Variants in ANK3 observed in about 807,000 individuals in gnomAD.
ANK3 encodes ankyrin 3, also known as ankyrin-3.
Under a neutral mutation model 370.9 loss-of-function variants are expected in ANK3, and 57 were observed. That is an observed-to-expected ratio of 0.15 (90% CI 0.12 to 0.19). The LOEUF (loss-of-function observed/expected upper bound fraction) is 0.19, where lower values mean the gene tolerates loss of function less well. Among genes scored for constraint, ANK3 ranks in the 10% least tolerant of loss-of-function variants. ANK3 has a pLI of 1.00. For missense variants in ANK3, 4,439 were observed against 5,302.1 expected, an observed-to-expected ratio of 0.84 and a Z score of 5.06; for synonymous variants, 1,929 against 1,946.3, an observed-to-expected ratio of 0.99 and a Z score of 0.23.
chr10:60,585,143 A>T (rs2077813533), intron 2 of ANK3, among the ~76,000 whole-genome samples: 1 of 152,200 alleles, frequency 6.6e-6, no homozygotes, highest in African/African-American at 2.4e-5. Context: ...TGCCTAACAA[A>T]TATCTAAAAT....
chr10:60,481,371 T>C (rs899832893), intron 2 of ANK3, among the ~76,000 whole-genome samples: 1 of 152,176 alleles, frequency 6.6e-6, no homozygotes, highest in Non-Finnish European at 1.5e-5. Context: ...TCCAGGCCTT[T>C]AGCCAAAGCC....
chr10:60,504,920 T>C (rs901664099), intron 2 of ANK3, among the ~76,000 whole-genome samples: 8 of 152,158 alleles, frequency 5.3e-5, no homozygotes, highest in Middle Eastern at 3.2e-3. Context: ...ATGTGAGCCA[T>C]AAGGGAAACT....
intron 2 of ANK3, among the ~76,000 whole-genome samples, chr10:60,464,822 T>C (rs2064972251): frequency 6.6e-6 from 1 of 152,176 alleles, no homozygotes; most frequent in Admixed American, 6.5e-5. Context: ...GAAGTCACCC[T>C]AAAGCATCAA....
rs755267606 is a variant in ANK3, at chr10:60,069,364, A to C, written c.11517T>G (p.Cys3839Trp). Residue 3839 changes from cysteine to tryptophan, a missense_variant, in exon 37 of 44, where the codon TGT (cysteine) becomes TGG (tryptophan). Physicochemically the swap from Cys to Trp is radical, Grantham distance 215. Transcript: ENST00000280772. ...GKKTGVLQGHCVRDKQKVLGE... is the reference protein window; with the variant it reads ...GKKTGVLQGHWVRDKQKVLGE... ...CAAGAACTTTCTGCTTATCTCTTACACAGTGTCCTTGTAGTACCCCTGTCT... is the reference window on the plus strand; with the variant it reads ...CAAGAACTTTCTGCTTATCTCTTACCCAGTGTCCTTGTAGTACCCCTGTCT... 4.3e-6 allele frequency: 7 copies of C among 1,613,462 alleles called. No homozygotes were observed. The highest frequency in any genetic ancestry group is 5.1e-6 in the Non-Finnish European group (6 of 1,179,868).
At chr10:60,643,322 T>C (rs1170370509) in intron 1 of ANK3, among the ~76,000 whole-genome samples, 1 of 152,078 alleles carries the variant, frequency 6.6e-6, no homozygotes, top group African/African-American at 2.4e-5. Flanking sequence ...TGTAAAAACG[T>C]GAGACTGGCC....
chr10:60,093,037 G>A (rs1306532697), intron 28 of ANK3, among the ~76,000 whole-genome samples: 1 of 152,198 alleles, frequency 6.6e-6, no homozygotes, highest in Non-Finnish European at 1.5e-5. Flanking sequence ...CACCCGGCCA[G>A]AATTTTTAAA....
intron 40 of ANK3, among the ~76,000 whole-genome samples, chr10:60,061,423 A>G (rs2080436261): frequency 6.6e-6 from 1 of 152,194 alleles, no homozygotes; most frequent in African/African-American, 2.4e-5. Context: ...CAACACAACT[A>G]CTTCTGTTGT....
At chr10:60,242,002 T>A (rs905378043) in intron 7 of ANK3, among the ~76,000 whole-genome samples, 1 of 152,326 alleles carries the variant, frequency 6.6e-6, no homozygotes, top group East Asian at 1.9e-4. Flanking sequence ...GAAAACAACA[T>A]GGATCACTGC....
In ANK3 at chr10:60,196,550, C is replaced by T; in HGVS notation, c.1765G>A (p.Ala589Thr). The change falls in exon 15 of 44, where the codon GCA (alanine) becomes ACA (threonine). Residue 589 changes from alanine (A) to threonine (T), a missense_variant. By Grantham distance (58) the Ala-to-Thr change is moderately conservative. This residue lies in a region of ANK3 where 192 missense variants were observed against 192.1 expected (regional missense o/e 1.00). Transcript: ENST00000280772. ...ACCTTCCCAGCAGCATCTGGAGATG[C>T]ACTTTTCTGTAGCAGGAGATTGGCG... Reference protein sequence around the residue: ...EVANLLLQKSASPDAAGKSGL... With the variant: ...EVANLLLQKSTSPDAAGKSGL... 6.2e-7 allele frequency: 1 copy of T among 1,612,718 alleles called. No individual in the cohort carries two copies. Among genetic ancestry groups the T allele is most frequent in the South Asian group, 1.1e-5 (1 of 91,018 alleles).
At chr10:60,355,579 T>C (rs996635181) in intron 1 of ANK3, among the ~76,000 whole-genome samples, 2 of 152,204 alleles carry the variant, frequency 1.3e-5, no homozygotes, top group Non-Finnish European at 2.9e-5. Flanking sequence ...AACATTGCTC[T>C]CATTGAGGAA....
At chr10:60,278,357 T>C (rs966344856) in intron 4 of ANK3, among the ~76,000 whole-genome samples, 3 of 152,248 alleles carry the variant, frequency 2.0e-5, no homozygotes, top group African/African-American at 7.2e-5. Flanking sequence ...TGAAAATACA[T>C]ATGAATTTAA....
Position 60,248,239 on chromosome 10 carries a change from A to C in ANK3, c.799-13453T>G, listed in dbSNP as rs555865955. Among the ~76,000 whole-genome samples, 7 of 152,326 alleles carry C rather than the reference A, an allele frequency of 4.6e-5. No individual in the cohort carries two copies. In the East Asian group the frequency reaches 1.4e-3, roughly 29 times the overall value. ...ATACGTTAACTGTATTAACTTTCTG[A>C]GGAAATGATGAGCTGCTTTCATTGT... is the stretch of plus-strand genomic sequence containing the variant. On this transcript the variant is annotated intron_variant, in intron 7 of 43. Transcript: ENST00000280772.
chr10:60,703,675 C>T (rs893979117), intron 1 of ANK3, among the ~76,000 whole-genome samples: 5 of 152,034 alleles, frequency 3.3e-5, no homozygotes, highest in Non-Finnish European at 5.9e-5. Flanking sequence ...TACCGAAAAG[C>T]ATAATAGAAC....
At chr10:60,285,749 C>T (rs2098234641) in intron 1 of ANK3, among the ~76,000 whole-genome samples, 3 of 152,156 alleles carry the variant, frequency 2.0e-5, no homozygotes, top group African/African-American at 7.2e-5. Context: ...CCACAATTCC[C>T]TCACTCAACA....
intron 2 of ANK3, among the ~76,000 whole-genome samples, chr10:60,477,897 T>G (rs1286439908): frequency 2.0e-5 from 3 of 152,102 alleles, no homozygotes; most frequent in Non-Finnish European, 4.4e-5. Context: ...AACATTTTTA[T>G]GTAATCTATT....
rs560166593 is a variant in ANK3 at position 60,319,047 on chromosome 10, C to T, written c.115-39408G>A. 3.9e-5 allele frequency among the ~76,000 whole-genome samples: 6 copies of T among 152,276 alleles called. No individual in the cohort carries two copies. The East Asian group carries it at 9.7e-4, about 25-fold the overall frequency. ...TAATGTACTTGGTAATGAGGACTTG[C>T]ACTCTTGCTTGTTCACTACAGAAGA... On this transcript the variant is annotated intron_variant, in intron 1 of 43. Coordinates refer to ENST00000280772, the MANE Select transcript of ANK3 (RefSeq NM_020987.5).
intron 1 of ANK3, among the ~76,000 whole-genome samples, chr10:60,376,141 C>T (rs187306685): frequency 3.3e-5 from 5 of 152,292 alleles, no homozygotes; most frequent in Admixed American, 1.3e-4. Flanking sequence ...TCTGCCTCCA[C>T]AGCCCATGCC....
chr10:60,036,687 C>T (rs2075075093), intron 43 of ANK3, among the ~76,000 whole-genome samples: 1 of 151,962 alleles, frequency 6.6e-6, no homozygotes, highest in South Asian at 2.1e-4. Flanking sequence ...CTGCCTGCCT[C>T]GGCCTCCTAA....
At chr10:60,496,662 AGTACTTTCT>A (rs1463767979) in intron 2 of ANK3, among the ~76,000 whole-genome samples, 1 of 150,852 alleles carries the variant, frequency 6.6e-6, no homozygotes, top group Non-Finnish European at 1.5e-5. Flanking sequence ...TTAAAGGCAA[AGTACTTTCT>A]GTCCAAGATA....
Sources: gnomAD v4.1 joint callset for allele counts (sites outside exome capture counted in the v4.1 genomes callset) on GRCh38, gnomAD v4.1.1 for gene constraint, gnomAD v4.1.1 regional missense constraint, MANE v1.5 for transcripts, NCBI Gene and HGNC (gene_info 2026-07-23, HGNC 2026-07-21) for gene names.